RELL1: variants seen among roughly 807,000 people sequenced by gnomAD.
The protein encoded by RELL1 is RELT like 1, also known as RELT-like protein 1.
In RELL1, 10 loss-of-function variants were observed where a neutral mutation model predicts 23.0. That is an observed-to-expected ratio of 0.43 (90% CI 0.27 to 0.74). The LOEUF is 0.74. Among genes scored for constraint, RELL1 ranks in the 30% least tolerant of loss-of-function variants. The pLI, the probability that RELL1 is intolerant of heterozygous loss-of-function variation, is 0.19. For missense variants in RELL1, 315 were observed against 364.4 expected (o/e 0.86, Z 1.10); for synonymous variants, 146 against 146.8 (o/e 0.99, Z 0.04).
At chr4:37,590,021 C>A, downstream of RELL1, 1 of 1,105,816 alleles carries the variant, frequency 9.0e-7, no homozygotes, top group Non-Finnish European at 1.3e-6. Flanking sequence ...TAGAAAGAAG[C>A]AGGGCCTGTG....
intron 1 of RELL1, among the ~76,000 whole-genome samples, chr4:37,675,355 C>G (rs1437453489): frequency 6.6e-6 from 1 of 152,218 alleles, no homozygotes; most frequent in Non-Finnish European, 1.5e-5. Context: ...ACGTTGACTT[C>G]CCCTCCTCTG....
At chr4:37,678,886 C>G (rs1722111043) in intron 1 of RELL1, among the ~76,000 whole-genome samples, 1 of 152,126 alleles carries the variant, frequency 6.6e-6, no homozygotes, top group Admixed American at 6.5e-5. Flanking sequence ...CAGTTATCCA[C>G]AAGAGTGCAC....
At chr4:37,669,366 G>A (rs573285918) in intron 1 of RELL1, among the ~76,000 whole-genome samples, 1 of 146,574 alleles carries the variant, frequency 6.8e-6, no homozygotes. Context: ...AGGTGGGGGG[G>A]TCAGTCCCCG....
intron 6 of RELL1, among the ~76,000 whole-genome samples, chr4:37,604,888 GACAC>G (rs757621847): frequency 0.011 from 691 of 63,366 alleles, 57 homozygotes; most frequent in African/African-American, 0.05. Flanking sequence ...CATACACACA[GACAC>G]ACACACAGAC....
intron 6 of RELL1, among the ~76,000 whole-genome samples, chr4:37,604,389 A>G (rs950785223): frequency 7.2e-5 from 11 of 152,150 alleles, no homozygotes; most frequent in Non-Finnish European, 1.3e-4. Context: ...CATCCATCCT[A>G]GTGCACACAT....
At chr4:37,647,185 C>T (rs879101321) in intron 3 of RELL1, among the ~76,000 whole-genome samples, 183 bp downstream of exon 3, 4 of 152,170 alleles carry the variant, frequency 2.6e-5, no homozygotes, top group East Asian at 1.9e-4. Context: ...ACGCTTAGAC[C>T]GACTCACGCT....
intron 6 of RELL1, chr4:37,622,912 C>G (rs1261570627): frequency 4.6e-6 from 2 of 433,830 alleles, no homozygotes; most frequent in Non-Finnish European, 9.1e-6. Context: ...TCAACTGACT[C>G]TCCTGCCTCA....
intron 1 of RELL1, among the ~76,000 whole-genome samples, chr4:37,684,820 G>T (rs146868942): frequency 6.6e-6 from 1 of 152,192 alleles, no homozygotes; most frequent in Non-Finnish European, 1.5e-5. Flanking sequence ...GGGCATGGTG[G>T]CACATGCCTG....
intron 1 of RELL1, among the ~76,000 whole-genome samples, chr4:37,656,718 G>T (rs1721131467): frequency 6.6e-6 from 1 of 152,138 alleles, no homozygotes; most frequent in Admixed American, 6.5e-5. Flanking sequence ...CATGGGAGGG[G>T]GTTAGTTATT....
At chr4:37,644,616 C>G (rs1040220900) in intron 3 of RELL1, among the ~76,000 whole-genome samples, 2 of 151,690 alleles carry the variant, frequency 1.3e-5, no homozygotes, top group African/African-American at 2.4e-5. Flanking sequence ...TGCACCACCA[C>G]GCCCAGCTAA....
chr4:37,669,151 C>T (rs1449419532), intron 1 of RELL1, among the ~76,000 whole-genome samples: 1 of 127,920 alleles, frequency 7.8e-6, no homozygotes, highest in Admixed American at 7.4e-5. Context: ...AGCCCCTCTG[C>T]CCGGCCAGCC....
chr4:37,622,799 CTT>C (rs763432060), intron 6 of RELL1: 3,596 of 377,588 alleles, frequency 9.5e-3, no homozygotes, highest in East Asian at 0.023. Context: ...TCAAGTAATG[CTT>C]TTTTTTTTTT....
chr4:37,624,114 C>T (rs1176494701), intron 6 of RELL1, among the ~76,000 whole-genome samples: 1 of 152,162 alleles, frequency 6.6e-6, no homozygotes, highest in Non-Finnish European at 1.5e-5. Flanking sequence ...GGAGCCTTTC[C>T]TCACTGTTAG....
intron 6 of RELL1, among the ~76,000 whole-genome samples, chr4:37,621,215 C>T (rs1325996106): frequency 3.3e-5 from 5 of 152,046 alleles, no homozygotes; most frequent in Admixed American, 1.3e-4. Flanking sequence ...CCAGCACTTT[C>T]GGAGGCCGAG....
chr4:37,618,307 C>CTTAA (rs1187466405), intron 6 of RELL1, among the ~76,000 whole-genome samples: 2 of 151,906 alleles, frequency 1.3e-5, no homozygotes, highest in African/African-American at 4.8e-5. Flanking sequence ...AACTCCTGGG[C>CTTAA]TTAAGTCATG....
At chr4:37,682,243 C>G (rs1577615159) in intron 1 of RELL1, among the ~76,000 whole-genome samples, 1 of 152,188 alleles carries the variant, frequency 6.6e-6, no homozygotes, top group Non-Finnish European at 1.5e-5. Context: ...CTACAGTGTA[C>G]TAACACCAAA....
At position 37,613,077 on chromosome 4, in the gene RELL1, A is replaced by G. The variant is rs1174098757; in HGVS notation, c.*269T>C. The G allele has an allele frequency of 2.0e-5, 3 of 152,222 alleles. No homozygotes were observed. The highest frequency in any genetic ancestry group is 2.0e-4 in the Admixed American group (3 of 15,274). 9.4% of individuals were successfully genotyped at this position (152,222 alleles called of 1,614,324 possible). A position where few individuals can be genotyped will look rare whatever the true frequency, so the allele number is the denominator to read the frequency against. On this transcript the variant is annotated 3_prime_UTR_variant, in exon 7 of 7. Coordinates refer to ENST00000454158, the MANE Select transcript of RELL1 (RefSeq NM_001085400.2). The stretch of plus-strand genomic sequence containing the variant: ...AGGCCTGGGATTAGGGGCTGGGAAG[A>G]GTAGAGGCTGGGAGTGGTTAAGAAG...
rs368408435 is a variant in RELL1, at chr4:37,634,912, C to A, written c.655G>T (p.Glu219Ter). 1.2e-6 allele frequency: 2 copies of A among 1,614,140 alleles called. No homozygotes were observed. Among genetic ancestry groups the A allele is most frequent in the Non-Finnish European group, 8.5e-7 (1 of 1,180,048 alleles). The change falls in exon 5 of 7, where the codon GAG (glutamate) becomes TAG (stop). Residue 219 changes from glutamate to a stop codon, truncating the protein, a stop_gained. Coordinates refer to ENST00000454158, the MANE Select transcript of RELL1 (RefSeq NM_001085400.2). LOFTEE classifies it high-confidence loss of function. The stretch of plus-strand genomic sequence containing the variant: ...CTGCCAACAGAAAGGACCGTGACCT[C>A]GCCTTGGCGCCGTGGTCTGCTCTCT... ...SRESRPRRQG[E>*]VTVLSVGRFR... is the part of the protein sequence containing the mutation.
chr4:37,614,629 A>G (rs147199050), intron 6 of RELL1, among the ~76,000 whole-genome samples: 1,579 of 152,110 alleles, frequency 0.01, 12 homozygotes, highest in Non-Finnish European at 0.018. Context: ...CAGAGGGGGA[A>G]AAAAGGTAGA....
Sources: gnomAD v4.1 joint callset for allele counts (sites outside exome capture counted in the v4.1 genomes callset) on GRCh38, gnomAD v4.1.1 for gene constraint, MANE v1.5 for transcripts, NCBI Gene and HGNC (gene_info 2026-07-23, HGNC 2026-07-21) for gene names.